The following ZFR variants were observed in gnomAD, a reference collection of about 807,000 sequenced individuals.
ZFR encodes zinc finger RNA binding protein, also known as zinc finger RNA-binding protein.
Under a neutral mutation model 130.7 loss-of-function variants are expected in ZFR, and 19 were observed. That is an observed-to-expected ratio of 0.15 (90% CI 0.10 to 0.21). ZFR has a LOEUF of 0.21. Among genes scored for constraint, ZFR ranks in the 10% least tolerant of loss-of-function variants. The pLI, the probability that ZFR is intolerant of heterozygous loss-of-function variation, is 1.00. For synonymous variants in ZFR, 466 were observed against 456.9 expected, an observed-to-expected ratio of 1.02 and a Z score of -0.25; for missense variants, 872 against 1,321.5, an observed-to-expected ratio of 0.66 and a Z score of 5.27.
chr5:32,369,374 G>GA (rs1222412725), intron 17 of ZFR, among the ~76,000 whole-genome samples: 1 of 152,224 alleles, frequency 6.6e-6, no homozygotes, highest in Non-Finnish European at 1.5e-5. Context: ...TAAAATACGT[G>GA]AAAAGAAATG....
chr5:32,423,285 A>T (rs769584271), intron 2 of ZFR, among the ~76,000 whole-genome samples: 4 of 152,114 alleles, frequency 2.6e-5, no homozygotes, highest in African/African-American at 4.8e-5. Flanking sequence ...GTGAGCTGAG[A>T]TCATACCACT....
At chr5:32,386,870 T>A (rs895316065) in intron 14 of ZFR, among the ~76,000 whole-genome samples, 1 of 152,142 alleles carries the variant, frequency 6.6e-6, no homozygotes, top group African/African-American at 2.4e-5. Context: ...TTTATTAAAT[T>A]GCTAGTTTTA....
chr5:32,406,590 AATC>A, intron 6 of ZFR, 181 bp downstream of exon 6: 1 of 767,550 alleles, frequency 1.3e-6, no homozygotes, highest in Admixed American at 4.1e-5. Context: ...TTACAGTCAC[AATC>A]ATCTTTACAG....
chr5:32,417,852 T>TA, intron 3 of ZFR, 60 bp from the exon 4 acceptor site: 1 of 1,555,492 alleles, frequency 6.4e-7, no homozygotes, highest in South Asian at 1.1e-5. Context: ...AAAAAATACT[T>TA]ACTGTATAGA....
At position 32,378,671 on chromosome 5, in the gene ZFR, G is replaced by A. The variant is rs141246883; in HGVS notation, c.2835+444C>T. Among the ~76,000 whole-genome samples, 539 of 152,092 alleles carry A rather than the reference G, an allele frequency of 3.5e-3. 7 individuals carry two copies. The highest frequency in any genetic ancestry group is 0.013 in the African/African-American group (530 of 41,520). ...TAAGAAGGCTTTTGGTTATTTTGTA[G>A]CTTTCTGCGTTACTGAATCTCCTAT... is the stretch of plus-strand genomic sequence containing the variant. On this transcript the variant is annotated intron_variant, in intron 17 of 19. Transcript: ENST00000265069.
chr5:32,415,515 T>TGTGTGTGTGTGTGTGCGCGC (rs1326041688), intron 4 of ZFR, among the ~76,000 whole-genome samples: 3 of 97,934 alleles, frequency 3.1e-5, no homozygotes, highest in African/African-American at 1.5e-4. Context: ...TGTGTGTGTG[T>TGTGTGTGTGTGTGTGCGCGC]GCGCGCGCGC....
chr5:32,411,495 C>T (rs1338563176), intron 5 of ZFR, among the ~76,000 whole-genome samples: 1 of 151,822 alleles, frequency 6.6e-6, no homozygotes, highest in African/African-American at 2.4e-5. Context: ...TTCAGACCAG[C>T]TTGGCCACCA....
chr5:32,415,947 G>C (rs868414219), intron 4 of ZFR, among the ~76,000 whole-genome samples: 3 of 149,324 alleles, frequency 2.0e-5, no homozygotes, highest in Non-Finnish European at 3.0e-5. Context: ...GTTCAGTTAA[G>C]TAAAAGTACA....
At chr5:32,377,236 T>C (rs1241515601) in intron 17 of ZFR, among the ~76,000 whole-genome samples, 2 of 142,798 alleles carry the variant, frequency 1.4e-5, no homozygotes, top group African/African-American at 5.0e-5. Flanking sequence ...CTCTCTCTCC[T>C]CTCTCTCTTT....
intron 2 of ZFR, among the ~76,000 whole-genome samples, chr5:32,431,066 C>T (rs551624724): frequency 6.6e-6 from 1 of 152,236 alleles, no homozygotes; most frequent in Non-Finnish European, 1.5e-5. Context: ...CACAGTGAGA[C>T]CCTGTCTCAA....
At chr5:32,370,909 T>C (rs13161504) in intron 17 of ZFR, among the ~76,000 whole-genome samples, 32,877 of 152,174 alleles carry the variant, frequency 0.22, 4,293 homozygotes, top group African/African-American at 0.37. Flanking sequence ...AAAGCAGGCA[T>C]TGTTACTTAA....
Position 32,368,970 on chromosome 5 carries a change from C to G in ZFR, c.2836-4695G>C, listed in dbSNP as rs202181508. Among the ~76,000 whole-genome samples, 4 of 56,846 alleles carry G rather than the reference C, an allele frequency of 7.0e-5. No homozygotes were observed. In the East Asian group the frequency reaches 4.4e-3, roughly 62 times the overall value. 37.3% of individuals were successfully genotyped at this position (56,846 alleles called of 152,430 possible). A position where few individuals can be genotyped will look rare whatever the true frequency, so the allele number is the denominator to read the frequency against. On this transcript the variant is annotated intron_variant, in intron 17 of 19. Coordinates refer to ENST00000265069, the MANE Select transcript of ZFR (RefSeq NM_016107.5). ...TGGATCACTATTGACACATGCACAACAGACTTTGATTTGTAAGCCCATTTG... is the reference window on the plus strand; with the variant it reads ...TGGATCACTATTGACACATGCACAAGAGACTTTGATTTGTAAGCCCATTTG...
intron 5 of ZFR, among the ~76,000 whole-genome samples, chr5:32,410,370 A>T (rs1753677356): frequency 6.6e-6 from 1 of 150,450 alleles, no homozygotes; most frequent in Non-Finnish European, 1.5e-5. Context: ...ACACTTTGAG[A>T]GGCGGAGGTG....
intron 2 of ZFR, among the ~76,000 whole-genome samples, chr5:32,427,037 C>G (rs1581713211): frequency 6.6e-6 from 1 of 151,892 alleles, no homozygotes; most frequent in Admixed American, 6.6e-5. Context: ...AGCAAAGTTA[C>G]AGGATACAAA....
intron 9 of ZFR, among the ~76,000 whole-genome samples, chr5:32,399,006 T>C (rs554799337): frequency 6.6e-6 from 1 of 152,140 alleles, no homozygotes; most frequent in Admixed American, 6.5e-5. Context: ...CTAGGCGCAG[T>C]GTCTCACGCC....
At chr5:32,436,309 C>T (rs1396153719) in intron 2 of ZFR, among the ~76,000 whole-genome samples, 5 of 151,698 alleles carry the variant, frequency 3.3e-5, no homozygotes, top group African/African-American at 4.8e-5. Flanking sequence ...CCACCACGCC[C>T]GGCTGATTTT....
intron 2 of ZFR, among the ~76,000 whole-genome samples, chr5:32,420,506 C>T (rs904136467): frequency 2.6e-5 from 4 of 152,138 alleles, no homozygotes; most frequent in African/African-American, 7.2e-5. Context: ...CAAATCTCTA[C>T]AAAGAAACCA....
chr5:32,395,192 C>T lies in ZFR; in HGVS notation c.1946G>A (p.Arg649Gln), dbSNP rs1753274848. The change falls in exon 11 of 20, where the codon CGA becomes CAA. Residue 649 changes from arginine (R) to glutamine (Q), a missense_variant. By Grantham distance (43) the Arg-to-Gln change is conservative (BLOSUM62 1). This residue lies in a region of ZFR where 225 missense variants were observed against 282.4 expected (regional missense o/e 0.80). Coordinates refer to ENST00000265069, the MANE Select transcript of ZFR (RefSeq NM_016107.5). Reference sequence around the variant, plus strand: ...CATTCTCCAACGCTCCTCTTCTTCTCGTCTTCGCCAGTACTCCTCCTTCTG... The same window carrying T: ...CATTCTCCAACGCTCCTCTTCTTCTTGTCTTCGCCAGTACTCCTCCTTCTG... ...QMQKEEYWRR[R>Q]EEEERWRMEM... 5.6e-6 allele frequency: 9 copies of T among 1,606,136 alleles called. No individual in the cohort carries two copies. Among genetic ancestry groups the T allele is most frequent in the African/African-American group, 1.3e-5 (1 of 74,540 alleles).
At chr5:32,444,202 AAC>A in intron 2 of ZFR, 25 bp downstream of exon 2, 1 of 1,592,558 alleles carries the variant, frequency 6.3e-7, no homozygotes, top group Non-Finnish European at 8.5e-7. Flanking sequence ...GCAAGGGGCG[AAC>A]AGAGAGAAGG....
Sources: allele counts gnomAD v4.1 joint callset (sites outside exome capture counted in the v4.1 genomes callset), GRCh38; gene constraint gnomAD v4.1.1; regional missense constraint gnomAD v4.1.1; transcripts MANE v1.5; gene names NCBI Gene and HGNC (gene_info 2026-07-23, HGNC 2026-07-21).